The following RGS7 variants were observed in gnomAD, a reference collection of about 807,000 sequenced individuals.
RGS7 encodes regulator of G-protein signaling 7.
A neutral mutation model predicts 81.1 loss-of-function variants in RGS7; 27 were observed. That is an observed-to-expected ratio of 0.33 (90% CI 0.25 to 0.46). RGS7 has a LOEUF of 0.46. RGS7 is among the 20% of genes least tolerant of loss of function. RGS7 has a pLI of 1.00. For synonymous variants in RGS7, 208 were observed against 207.7 expected (o/e 1.00, Z -0.01); for missense variants, 396 against 607.4 (o/e 0.65, Z 3.66).
At chr1:241,153,159 ATT>A (rs1426173743) in intron 2 of RGS7, among the ~76,000 whole-genome samples, 3 of 152,216 alleles carry the variant, frequency 2.0e-5, no homozygotes, top group Non-Finnish European at 4.4e-5. Flanking sequence ...CCACAGGTAG[ATT>A]TTGTTCATTT....
intron 2 of RGS7, among the ~76,000 whole-genome samples, chr1:241,208,517 A>G (rs771775807): frequency 6.6e-6 from 1 of 152,078 alleles, no homozygotes; most frequent in African/African-American, 2.4e-5. Context: ...GAAAATAAGC[A>G]CTTCAATGAG....
chr1:241,059,293 A>G (rs2061629829), intron 3 of RGS7, among the ~76,000 whole-genome samples: 1 of 152,216 alleles, frequency 6.6e-6, no homozygotes, highest in Admixed American at 6.5e-5. Context: ...TTGAATCTAT[A>G]GCTCCAGCCC....
At chr1:241,244,850 G>A (rs9793035) in intron 2 of RGS7, among the ~76,000 whole-genome samples, 15,836 of 151,182 alleles carry the variant, frequency 0.1, 1,062 homozygotes, top group East Asian at 0.3. Context: ...GCAAACTATC[G>A]CAAGGACAAA....
chr1:241,046,333 G>A (rs934622897), intron 3 of RGS7, among the ~76,000 whole-genome samples: 5 of 146,012 alleles, frequency 3.4e-5, no homozygotes, highest in East Asian at 4.4e-4. Context: ...CATCCCCAAT[G>A]TCTGTTGTTC....
chr1:241,254,196 C>T (rs1288764126), intron 2 of RGS7, among the ~76,000 whole-genome samples: 1 of 115,114 alleles, frequency 8.7e-6, no homozygotes, highest in Non-Finnish European at 1.8e-5. Flanking sequence ...AAGACTCCAT[C>T]TCAAAAAAAA....
intron 2 of RGS7, among the ~76,000 whole-genome samples, chr1:241,227,570 C>A (rs1198702204): frequency 5.1e-4 from 53 of 103,698 alleles, no homozygotes; most frequent in Non-Finnish European, 5.3e-4. Flanking sequence ...CTGTCTCTAC[C>A]AAAAAAAAAA....
chr1:240,779,880 A>G (rs1434557339), intron 18 of RGS7, among the ~76,000 whole-genome samples: 1 of 152,118 alleles, frequency 6.6e-6, no homozygotes, highest in Admixed American at 6.5e-5. Context: ...TAACACTATC[A>G]TTATATGCTC....
chr1:241,111,607 C>T (rs148340158), intron 2 of RGS7, among the ~76,000 whole-genome samples: 1 of 149,352 alleles, frequency 6.7e-6, no homozygotes, highest in Non-Finnish European at 1.5e-5. Context: ...AAGACCCCCC[C>T]TCTCTACAAG....
At position 241,290,280 on chromosome 1, in the gene RGS7, G is replaced by A. The variant is rs114780154; in HGVS notation, c.78+65419C>T. On this transcript the variant is annotated intron_variant, in intron 2 of 18. Transcript: ENST00000440928. ...CAAAATGTGTGATTCAGATGATTTG[G>A]AAATTAAGAGACATTCCAAAGAACG... 9.4e-3 allele frequency among the ~76,000 whole-genome samples: 1,428 copies of A among 152,252 alleles called. 11 individuals are homozygous for A. Among genetic ancestry groups the A allele is most frequent in the African/African-American group, 0.018 (764 of 41,528 alleles).
At chr1:241,111,099 T>C (rs1240284823) in intron 2 of RGS7, among the ~76,000 whole-genome samples, 2 of 152,332 alleles carry the variant, frequency 1.3e-5, no homozygotes, top group East Asian at 3.9e-4. Context: ...ATGTTTCAAT[T>C]CTTTGATTTA....
intron 9 of RGS7, among the ~76,000 whole-genome samples, chr1:240,841,662 A>G (rs376441887): frequency 1.3e-4 from 20 of 152,340 alleles, no homozygotes; most frequent in Admixed American, 8.5e-4. Flanking sequence ...TCACTGAAGC[A>G]TATCAAAGAT....
At chr1:241,048,383 G>A (rs1237860934) in intron 3 of RGS7, among the ~76,000 whole-genome samples, 1 of 152,128 alleles carries the variant, frequency 6.6e-6, no homozygotes, top group Non-Finnish European at 1.5e-5. Context: ...AGAGTGAAAT[G>A]AATCTGTTTT....
chr1:241,068,963 C>T (rs2062261847), intron 3 of RGS7, among the ~76,000 whole-genome samples: 1 of 151,962 alleles, frequency 6.6e-6, no homozygotes, highest in Non-Finnish European at 1.5e-5. Flanking sequence ...TGTAGCACCT[C>T]CCCCTCCTCT....
At chr1:240,946,769 C>T (rs1462958913) in intron 4 of RGS7, among the ~76,000 whole-genome samples, 2 of 152,048 alleles carry the variant, frequency 1.3e-5, no homozygotes, top group South Asian at 2.1e-4. Context: ...TACAAAATTA[C>T]ACTTAGGCAG....
chr1:241,340,618 C>T (rs1342420651), intron 2 of RGS7, among the ~76,000 whole-genome samples: 1 of 152,066 alleles, frequency 6.6e-6, no homozygotes, highest in Non-Finnish European at 1.5e-5. Flanking sequence ...TACGCTTCAT[C>T]ACTATCATCA....
intron 6 of RGS7, among the ~76,000 whole-genome samples, chr1:240,883,415 G>A (rs558772515): frequency 3.9e-5 from 6 of 152,262 alleles, no homozygotes; most frequent in African/African-American, 1.2e-4. Context: ...ACGTTCATGC[G>A]TTTTGGCAAC....
chr1:240,935,282 T>TA (rs1403036202), intron 5 of RGS7, among the ~76,000 whole-genome samples: 3 of 152,096 alleles, frequency 2.0e-5, no homozygotes, highest in South Asian at 2.1e-4. Flanking sequence ...GAGATTTCTT[T>TA]AAAAAAATCA....
intron 6 of RGS7, among the ~76,000 whole-genome samples, chr1:240,890,198 G>A (rs996392667): frequency 6.6e-6 from 1 of 152,180 alleles, no homozygotes; most frequent in African/African-American, 2.4e-5. Context: ...CTGTCACCAG[G>A]CTGGAGGGCA....
chr1:241,042,971 A>C (rs1407440680), intron 3 of RGS7, among the ~76,000 whole-genome samples: 1 of 150,810 alleles, frequency 6.6e-6, no homozygotes, highest in Non-Finnish European at 1.5e-5. Flanking sequence ...AAAAAAAAAA[A>C]GGATTATGTC....
Sources: gnomAD v4.1 joint callset for allele counts (sites outside exome capture counted in the v4.1 genomes callset) on GRCh38, gnomAD v4.1.1 for gene constraint, MANE v1.5 for transcripts, NCBI Gene and HGNC (gene_info 2026-07-23, HGNC 2026-07-21) for gene names.